RPS6KA2: variants seen among roughly 807,000 people sequenced by gnomAD.
RPS6KA2 encodes the protein ribosomal protein S6 kinase A2, also known as ribosomal protein S6 kinase alpha-2.
Under a neutral mutation model 91.8 loss-of-function variants are expected in RPS6KA2, and 42 were observed. The ratio of observed to expected loss-of-function variants is 0.46; its 90% CI spans 0.36 to 0.59. The LOEUF (loss-of-function observed/expected upper bound fraction) is 0.59, where lower values mean the gene tolerates loss of function less well. Among genes scored for constraint, RPS6KA2 ranks in the 20% least tolerant of loss-of-function variants. RPS6KA2 has a pLI of 0.00. For missense variants in RPS6KA2, 798 were observed against 978.5 expected (o/e 0.82, Z 2.46); for synonymous variants, 414 against 393.6 (o/e 1.05, Z -0.61).
At chr6:166,587,064 C>T (rs1163977342) in intron 1 of RPS6KA2, among the ~76,000 whole-genome samples, 1 of 152,208 alleles carries the variant, frequency 6.6e-6, no homozygotes, top group Non-Finnish European at 1.5e-5. Context: ...GGTGGAGCTA[C>T]AAAGAAGAAG....
intron 2 of RPS6KA2, among the ~76,000 whole-genome samples, chr6:166,832,064 A>AGATG (rs1554261598): frequency 6.6e-6 from 1 of 151,886 alleles, no homozygotes; most frequent in Non-Finnish European, 1.5e-5. Context: ...ATAGATAGAT[A>AGATG]GATAGATAGA....
chr6:166,486,120 G>A (rs551848148), intron 10 of RPS6KA2, among the ~76,000 whole-genome samples: 1 of 152,308 alleles, frequency 6.6e-6, no homozygotes, highest in East Asian at 1.9e-4. Flanking sequence ...ATGAAAAGGA[G>A]GAGTCCTGAT....
chr6:166,630,409 T>C (rs1787040370), upstream of RPS6KA2, among the ~76,000 whole-genome samples: 2 of 152,398 alleles, frequency 1.3e-5, no homozygotes, highest in South Asian at 4.1e-4. Flanking sequence ...AATAAAACGC[T>C]AAATTGCACT....
At chr6:166,856,132 C>T (rs1292588481) in intron 2 of RPS6KA2, among the ~76,000 whole-genome samples, 1 of 152,200 alleles carries the variant, frequency 6.6e-6, no homozygotes, top group Non-Finnish European at 1.5e-5. Flanking sequence ...TATACATGCA[C>T]TTTGGGGCAT....
intron 1 of RPS6KA2, among the ~76,000 whole-genome samples, chr6:166,623,324 G>T (rs1007806825): frequency 2.6e-5 from 4 of 152,248 alleles, no homozygotes; most frequent in African/African-American, 9.6e-5. Flanking sequence ...AGCTTTGGAG[G>T]TTCCACATCC....
chr6:166,724,096 T>G (rs1175800389), intron 2 of RPS6KA2, among the ~76,000 whole-genome samples: 1 of 152,238 alleles, frequency 6.6e-6, no homozygotes, highest in Non-Finnish European at 1.5e-5. Context: ...TCTCTCTTTC[T>G]CTGCATATAT....
chr6:166,585,434 T>G (rs558328161), intron 1 of RPS6KA2, among the ~76,000 whole-genome samples: 45 of 151,918 alleles, frequency 3.0e-4, no homozygotes, highest in African/African-American at 1.1e-3. Context: ...TATAATTGTG[T>G]GCAATTGTCC....
intron 1 of RPS6KA2, among the ~76,000 whole-genome samples, chr6:166,621,479 G>A (rs1247816008): frequency 2.0e-5 from 3 of 152,178 alleles, no homozygotes; most frequent in African/African-American, 7.2e-5. Context: ...TAGCTTAACA[G>A]CCTATTTGTT....
At chr6:166,757,041 C>G (rs1475692357) in intron 2 of RPS6KA2, among the ~76,000 whole-genome samples, 2 of 151,996 alleles carry the variant, frequency 1.3e-5, no homozygotes, top group Non-Finnish European at 2.9e-5. Context: ...ATGGTTAAAA[C>G]TGAAAAATCT....
chr6:166,432,327 T>C, intron 15 of RPS6KA2, 74 bp downstream of exon 15: 1 of 972,532 alleles, frequency 1.0e-6, no homozygotes, highest in Non-Finnish European at 1.6e-6. Flanking sequence ...AAGCTTGCTC[T>C]GAGTGAATGG....
chr6:166,605,900 A>G (rs578048255), intron 1 of RPS6KA2, among the ~76,000 whole-genome samples: 1 of 152,364 alleles, frequency 6.6e-6, no homozygotes, highest in Admixed American at 6.5e-5. Flanking sequence ...AGCAACCAAA[A>G]TAGAAAGCTC....
chr6:166,550,594 C>T (rs1783969399), intron 1 of RPS6KA2, among the ~76,000 whole-genome samples: 1 of 152,182 alleles, frequency 6.6e-6, no homozygotes, highest in African/African-American at 2.4e-5. Flanking sequence ...ATGCACTTCC[C>T]AGCACTGCGG....
Position 166,659,928 on chromosome 6 carries a change from A to ATT in RPS6KA2, c.124-121146_124-121145dup, listed in dbSNP as rs111723183. Among the ~76,000 whole-genome samples the ATT allele has an allele frequency of 2.9e-3, 406 of 142,340 alleles. 1 individual carries two copies. Among genetic ancestry groups the ATT allele is most frequent in the African/African-American group, 0.01 (387 of 38,672 alleles). 93.4% of individuals were successfully genotyped at this position (142,340 alleles called of 152,430 possible). On this transcript the variant is annotated intron_variant, in intron 2 of 21. Transcript: ENST00000503859. Reference sequence around the variant, plus strand: ...GTTTAAGAACTAATACATTTTTTGTATTTTTTTTTTTTTAGACACAAGGTC... The same window carrying ATT: ...GTTTAAGAACTAATACATTTTTTGTATTTTTTTTTTTTTTTAGACACAAGGTC...
At chr6:166,530,293 C>T (rs368124130) in intron 3 of RPS6KA2, among the ~76,000 whole-genome samples, 141 of 152,288 alleles carry the variant, frequency 9.3e-4, no homozygotes, top group African/African-American at 3.2e-3. Context: ...GCAGGTTTCC[C>T]CATAAGCTGG....
chr6:166,538,091 G>C (rs760136749), intron 2 of RPS6KA2, among the ~76,000 whole-genome samples: 1 of 152,172 alleles, frequency 6.6e-6, no homozygotes, highest in Non-Finnish European at 1.5e-5. Flanking sequence ...TTAGGCACCT[G>C]CTGGGTGGGA....
chr6:166,577,924 T>C (rs1784887349), intron 1 of RPS6KA2, among the ~76,000 whole-genome samples: 1 of 152,166 alleles, frequency 6.6e-6, no homozygotes, highest in Non-Finnish European at 1.5e-5. Flanking sequence ...ATTTGAATCA[T>C]GGGGGCAGTT....
rs987009835 is a variant in RPS6KA2, at chr6:166,437,182, T to G, written c.1333-4692A>C. The stretch of plus-strand genomic sequence containing the variant: ...GGATCTGCTGCGGGCAGCCGGGGTT[T>G]GGACACACTGTTTAGGAGCACCAGG... On this transcript the variant is annotated intron_variant, in intron 14 of 20. Coordinates refer to ENST00000265678, the MANE Select transcript of RPS6KA2 (RefSeq NM_021135.6). This position sits in a 1 kb window ranked among gnomAD's most constrained non-coding sequence, Gnocchi z 4.3. Among the ~76,000 whole-genome samples, 2 of 152,102 alleles carry G rather than the reference T, an allele frequency of 1.3e-5. No individual in the cohort carries two copies. The highest frequency in any genetic ancestry group is 4.8e-5 in the African/African-American group (2 of 41,400).
intron 1 of RPS6KA2, among the ~76,000 whole-genome samples, chr6:166,592,837 A>C (rs1178522690): frequency 6.6e-6 from 1 of 151,192 alleles, no homozygotes; most frequent in Admixed American, 6.6e-5. Context: ...TATCCTAATT[A>C]TATTCCTAAT....
intron 3 of RPS6KA2, among the ~76,000 whole-genome samples, chr6:166,521,750 G>T (rs1215573498): frequency 6.6e-6 from 1 of 152,232 alleles, no homozygotes; most frequent in Non-Finnish European, 1.5e-5. Context: ...ATGTGGGAAT[G>T]AAGCGGAGGC....
Sources: gnomAD v4.1 joint callset for allele counts (sites outside exome capture counted in the v4.1 genomes callset) on GRCh38, gnomAD v4.1.1 for gene constraint, Gnocchi (gnomAD v3.1) non-coding constraint, MANE v1.5 for transcripts, NCBI Gene and HGNC (gene_info 2026-07-23, HGNC 2026-07-21) for gene names.